PLEKHA7: variants seen among roughly 807,000 people sequenced by gnomAD.
PLEKHA7 encodes pleckstrin homology domain containing A7.
Under a neutral mutation model 170.0 loss-of-function variants are expected in PLEKHA7, and 104 were observed. The ratio of observed to expected loss-of-function variants is 0.61; its 90% CI spans 0.52 to 0.72. The LOEUF is 0.72. Among genes scored for constraint, PLEKHA7 ranks in the 30% least tolerant of loss-of-function variants. The probability of loss-of-function intolerance (pLI) is 0.00; values close to 1 mark genes in which losing one functional copy is unlikely to be tolerated. For synonymous variants in PLEKHA7, 648 were observed against 660.8 expected (o/e 0.98, Z 0.30); for missense variants, 1,615 against 1,671.7 (o/e 0.97, Z 0.59).
chr11:16,900,782 T>C (rs564510192), intron 3 of PLEKHA7, among the ~76,000 whole-genome samples: 1 of 152,222 alleles, frequency 6.6e-6, no homozygotes, highest in East Asian at 1.9e-4. Flanking sequence ...CCCCAAAAAA[T>C]CTTTTTTCTA....
At chr11:16,892,641 T>TTTTTTTTTC (rs1554965016) in intron 3 of PLEKHA7, among the ~76,000 whole-genome samples, 11 of 141,218 alleles carry the variant, frequency 7.8e-5, no homozygotes, top group East Asian at 4.1e-4. Flanking sequence ...TTTTTTTTTT[T>TTTTTTTTTC]CGTATTTTTA....
chr11:16,893,633 C>A (rs748222383), intron 3 of PLEKHA7, among the ~76,000 whole-genome samples: 62 of 152,238 alleles, frequency 4.1e-4, no homozygotes, highest in Admixed American at 3.9e-4. Context: ...AGAGCAGTAA[C>A]AGAAGGAGAA....
chr11:16,818,526 T>C (rs997421735), intron 10 of PLEKHA7, among the ~76,000 whole-genome samples: 3 of 152,244 alleles, frequency 2.0e-5, no homozygotes, highest in African/African-American at 7.2e-5. Context: ...CAGCCCTCAG[T>C]GATCCAACTC....
chr11:16,904,548 T>C (rs1425553195), intron 3 of PLEKHA7, among the ~76,000 whole-genome samples: 1 of 152,192 alleles, frequency 6.6e-6, no homozygotes, highest in Non-Finnish European at 1.5e-5. Flanking sequence ...CTTTACAAAA[T>C]GCAAGGAATG....
chr11:17,000,225 C>T (rs1372003804), intron 3 of PLEKHA7, among the ~76,000 whole-genome samples: 1 of 152,108 alleles, frequency 6.6e-6, no homozygotes, highest in Non-Finnish European at 1.5e-5. Flanking sequence ...CTGGAATTAA[C>T]AGGCATGCAT....
chr11:16,852,005 A>T (rs898304450), intron 7 of PLEKHA7, among the ~76,000 whole-genome samples: 1 of 152,262 alleles, frequency 6.6e-6, no homozygotes, highest in African/African-American at 2.4e-5. Context: ...CTCATCCAAC[A>T]TTCAATAAAT....
chr11:16,944,513 A>G (rs1860897069), intron 3 of PLEKHA7, among the ~76,000 whole-genome samples: 1 of 145,830 alleles, frequency 6.9e-6, no homozygotes, highest in Non-Finnish European at 1.5e-5. Flanking sequence ...CCCTGTCTCA[A>G]AAAAAAAAAA....
At chr11:16,954,767 T>C (rs1160658225) in intron 3 of PLEKHA7, among the ~76,000 whole-genome samples, 1 of 151,748 alleles carries the variant, frequency 6.6e-6, no homozygotes, top group Admixed American at 6.6e-5. Flanking sequence ...CTCGGCTCAC[T>C]GCAACCTCCG....
rs575187201 is a variant in PLEKHA7 at position 16,946,371 on chromosome 11, G to A, written c.221+67618C>T. 5.3e-5 allele frequency among the ~76,000 whole-genome samples: 8 copies of A among 152,212 alleles called. No homozygotes were observed. The South Asian group carries it at 6.2e-4, about 12-fold the overall frequency. ...ACCCTCAACCCTGGGACCTCTCCCC[G>A]AACGAACGTGTGAAACCCTCCTTTC... On this transcript the variant is annotated intron_variant, in intron 3 of 26. Transcript: ENST00000531066.
chr11:16,882,560 A>C (rs975176006), intron 3 of PLEKHA7, among the ~76,000 whole-genome samples: 1 of 152,238 alleles, frequency 6.6e-6, no homozygotes, highest in South Asian at 2.1e-4. Context: ...TATCCTAACA[A>C]GGGCATTTGC....
chr11:16,869,198 C>T (rs1764741587), intron 4 of PLEKHA7, among the ~76,000 whole-genome samples: 1 of 152,206 alleles, frequency 6.6e-6, no homozygotes, highest in Non-Finnish European at 1.5e-5. Context: ...TTACCTTCCA[C>T]TCACTCTCTT....
In PLEKHA7 at chr11:16,817,896, C is replaced by T. The variant is rs1849893958; in HGVS notation, c.1344-574G>A. ...CCTTGCTGCAAAAACTTCCATGGCT[C>T]CTTGTCCCTTCTGAAATAAAGTCTA... On this transcript the variant is annotated intron_variant, in intron 10 of 26. Transcript: ENST00000531066. The surrounding 1 kb of genome is among the most constrained non-coding windows in gnomAD (Gnocchi z 4.4). 6.6e-6 allele frequency among the ~76,000 whole-genome samples: 1 copy of T among 152,192 alleles called. No individual in the cohort carries two copies. The highest frequency in any genetic ancestry group is 6.5e-5 in the Admixed American group (1 of 15,280).
chr11:16,889,420 A>AAAAAAAAAT (rs61086849), intron 3 of PLEKHA7, among the ~76,000 whole-genome samples: 15 of 74,672 alleles, frequency 2.0e-4, no homozygotes, highest in Admixed American at 3.7e-4. Context: ...AAAAAAAAAA[A>AAAAAAAAAT]ATATATATAT....
chr11:16,802,463 C>G (rs1035662290), intron 15 of PLEKHA7, among the ~76,000 whole-genome samples: 1 of 152,136 alleles, frequency 6.6e-6, no homozygotes, highest in Non-Finnish European at 1.5e-5. Context: ...AGGGCCTCCA[C>G]GGAGAGGTAA....
At chr11:16,966,138 G>A (rs1390932467) in intron 3 of PLEKHA7, among the ~76,000 whole-genome samples, 4 of 152,228 alleles carry the variant, frequency 2.6e-5, no homozygotes, top group African/African-American at 7.2e-5. Context: ...AGCTGAGATC[G>A]CACCATTGCA....
At chr11:16,790,650 C>G in intron 21 of PLEKHA7, 148 bp downstream of exon 21, 1 of 697,448 alleles carries the variant, frequency 1.4e-6, no homozygotes. Context: ...CAGGCCAGGT[C>G]CTCCCTCTTG....
At chr11:16,922,378 A>G (rs1369213236) in intron 3 of PLEKHA7, among the ~76,000 whole-genome samples, 1 of 152,168 alleles carries the variant, frequency 6.6e-6, no homozygotes, top group Non-Finnish European at 1.5e-5. Context: ...ACAAATAGGC[A>G]AAGAAACTGA....
chr11:16,801,949 AGTCGGGGCTCT>A, intron 15 of PLEKHA7, 132 bp from the exon 16 acceptor site: 1 of 1,134,968 alleles, frequency 8.8e-7, no homozygotes, highest in Non-Finnish European at 1.2e-6. Context: ...GTGGGCCCAC[AGTCGGGGCTCT>A]GATGCCAGCT....
intron 3 of PLEKHA7, among the ~76,000 whole-genome samples, chr11:16,983,954 C>T (rs1432344981): frequency 6.6e-6 from 1 of 152,124 alleles, no homozygotes; most frequent in East Asian, 1.9e-4. Flanking sequence ...GTGGCATACA[C>T]CTGTGGCCCC....
Sources: gnomAD v4.1 joint callset for allele counts (sites outside exome capture counted in the v4.1 genomes callset) on GRCh38, gnomAD v4.1.1 for gene constraint, Gnocchi (gnomAD v3.1) non-coding constraint, MANE v1.5 for transcripts, NCBI Gene and HGNC (gene_info 2026-07-23, HGNC 2026-07-21) for gene names.